The following IFT43 variants were observed in gnomAD, a reference collection of about 807,000 sequenced individuals.
IFT43 encodes the protein intraflagellar transport protein 43 homolog.
IFT43 carries 33 observed loss-of-function variants against 32.3 expected under a neutral mutation model. That is an observed-to-expected ratio of 1.02 (90% CI 0.77 to 1.37). The LOEUF (loss-of-function observed/expected upper bound fraction) is 1.37. Among genes scored for constraint, IFT43 ranks in the 40% most tolerant of loss-of-function variants. The probability of loss-of-function intolerance (pLI) is 0.00; values close to 1 mark genes in which losing one functional copy is unlikely to be tolerated. For missense variants in IFT43, 274 were observed against 265.9 expected (o/e 1.03, Z -0.21); for synonymous variants, 93 against 98.2 (o/e 0.95, Z 0.31).
rs1315639919 is a variant in IFT43, at chr14:76,059,468, T to G, written c.295+95T>G. 5.0e-6 allele frequency: 6 copies of G among 1,210,120 alleles called. No homozygotes were observed. The East Asian group carries it at 1.4e-4, about 28-fold the overall frequency. The allele number at this position is 1,210,120 out of a possible 1,614,324, so 75.0% of individuals were successfully genotyped here. The stretch of plus-strand genomic sequence containing the variant: ...AAGGCACTGTTGGCTGCAGCATCAC[T>G]GAAGACATTTGCAGTGGTCTTCTGA... On this transcript the variant is annotated intron_variant, in intron 5 of 8. Coordinates refer to ENST00000314067, the MANE Select transcript of IFT43 (RefSeq NM_001102564.3).
chr14:76,045,812 C>T (rs192695228), intron 3 of IFT43, among the ~76,000 whole-genome samples: 6 of 152,318 alleles, frequency 3.9e-5, no homozygotes, highest in East Asian at 3.9e-4. Context: ...ATCTTTCTCA[C>T]GGGTCTACCC....
chr14:76,031,563 A>G (rs1208759250), intron 3 of IFT43, among the ~76,000 whole-genome samples: 2 of 152,212 alleles, frequency 1.3e-5, no homozygotes, highest in Non-Finnish European at 2.9e-5. Context: ...TTGTTTTCCT[A>G]AATTATTAGG....
At chr14:76,035,067 T>TCAGGGAC (rs2036573655) in intron 3 of IFT43, among the ~76,000 whole-genome samples, 1 of 152,210 alleles carries the variant, frequency 6.6e-6, no homozygotes, top group East Asian at 1.9e-4. Context: ...TAATGGCCCC[T>TCAGGGAC]CAGGGACTTT....
chr14:76,047,839 G>T (rs1399544155), intron 3 of IFT43, among the ~76,000 whole-genome samples: 3 of 151,942 alleles, frequency 2.0e-5, no homozygotes, highest in Non-Finnish European at 4.4e-5. Flanking sequence ...GACTGCGTGG[G>T]GGTTGTCAGA....
chr14:76,062,510 A>G (rs2037155429), intron 5 of IFT43, among the ~76,000 whole-genome samples: 1 of 152,234 alleles, frequency 6.6e-6, no homozygotes, highest in African/African-American at 2.4e-5. Context: ...GGATAAACCC[A>G]TTGTGAGTTG....
At chr14:76,014,714 G>C (rs563401287) in intron 2 of IFT43, among the ~76,000 whole-genome samples, 1 of 152,072 alleles carries the variant, frequency 6.6e-6, no homozygotes, top group Non-Finnish European at 1.5e-5. Flanking sequence ...TTAGCTTTTA[G>C]ACATATATTG....
intron 3 of IFT43, among the ~76,000 whole-genome samples, chr14:76,044,669 A>G (rs1026990063): frequency 4.6e-5 from 7 of 152,078 alleles, no homozygotes; most frequent in African/African-American, 2.4e-5. Context: ...CCATTCATCT[A>G]TCTCCCATCA....
At chr14:76,083,361 C>T (rs1594872068) in intron 8 of IFT43, 72 bp downstream of exon 8, 1 of 1,611,426 alleles carries the variant, frequency 6.2e-7, no homozygotes, top group Non-Finnish European at 8.5e-7. Flanking sequence ...CCCGGGCTGG[C>T]CTGTGCCTCC....
chr14:76,058,728 A>G (rs763095123), intron 4 of IFT43, 54 bp downstream of exon 4: 2 of 1,609,068 alleles, frequency 1.2e-6, no homozygotes, highest in Non-Finnish European at 1.7e-6. Context: ...CTTGGTCAAC[A>G]GTGCAGTCTT....
intron 3 of IFT43, among the ~76,000 whole-genome samples, chr14:76,030,234 G>GT (rs377762201): frequency 0.014 from 2,125 of 150,620 alleles, 52 homozygotes; most frequent in African/African-American, 0.045. Context: ...CATCATCACA[G>GT]TTTTTTTTTC....
intron 3 of IFT43, among the ~76,000 whole-genome samples, chr14:76,033,296 G>A (rs1427792269): frequency 3.3e-5 from 5 of 152,162 alleles, no homozygotes; most frequent in African/African-American, 4.8e-5. Context: ...TGCAATATTC[G>A]AGGAAAGAGT....
At chr14:76,005,678 G>T (rs146567170) in intron 2 of IFT43, among the ~76,000 whole-genome samples, 1 of 152,162 alleles carries the variant, frequency 6.6e-6, no homozygotes, top group South Asian at 2.1e-4. Flanking sequence ...CAATAAAATT[G>T]CAGCTTTCTG....
At chr14:76,036,368 C>T (rs907307624) in intron 3 of IFT43, among the ~76,000 whole-genome samples, 7 of 144,940 alleles carry the variant, frequency 4.8e-5, no homozygotes, top group Non-Finnish European at 7.6e-5. Context: ...TTTGTTTGTT[C>T]GTTCGTTTGT....
chr14:76,058,765 T>C, intron 4 of IFT43, 91 bp downstream of exon 4: 1 of 1,603,864 alleles, frequency 6.2e-7, no homozygotes, highest in Non-Finnish European at 8.5e-7. Flanking sequence ...TCCACCTATG[T>C]TGAACACTGT....
intron 2 of IFT43, among the ~76,000 whole-genome samples, chr14:75,993,429 G>A (rs1262009056): frequency 1.3e-5 from 2 of 152,154 alleles, no homozygotes; most frequent in African/African-American, 4.8e-5. Context: ...TCCCTCTCCA[G>A]TTAACTGCTT....
chr14:76,059,501 T>A, intron 5 of IFT43, 128 bp downstream of exon 5: 1 of 855,402 alleles, frequency 1.2e-6, no homozygotes, highest in South Asian at 1.4e-5. Flanking sequence ...TGACGCATGC[T>A]GATGCACATC....
intron 1 of IFT43, among the ~76,000 whole-genome samples, chr14:75,987,196 C>T (rs1429090865): frequency 2.6e-5 from 4 of 152,090 alleles, no homozygotes; most frequent in African/African-American, 7.2e-5. Flanking sequence ...AGCACAACCG[C>T]CATATGTAGG....
chr14:76,068,224 AAG>A (rs1416369682), intron 5 of IFT43, among the ~76,000 whole-genome samples: 1 of 152,208 alleles, frequency 6.6e-6, no homozygotes, highest in Non-Finnish European at 1.5e-5. Context: ...AAGGATGGAT[AAG>A]AGTTGGCTAG....
chr14:76,032,586 A>T (rs1479674719), intron 3 of IFT43, among the ~76,000 whole-genome samples: 2 of 152,188 alleles, frequency 1.3e-5, no homozygotes, highest in African/African-American at 4.8e-5. Flanking sequence ...CTGCAATGTA[A>T]GCTCTATGAG....
Sources: gnomAD v4.1 joint callset for allele counts (sites outside exome capture counted in the v4.1 genomes callset) on GRCh38, gnomAD v4.1.1 for gene constraint, MANE v1.5 for transcripts, NCBI Gene and HGNC (gene_info 2026-07-23, HGNC 2026-07-21) for gene names.